TTC23L: variants seen among roughly 807,000 people sequenced by gnomAD.
The protein encoded by TTC23L is tetratricopeptide repeat domain 23 like, also known as tetratricopeptide repeat protein 23-like.
Under a neutral mutation model 48.1 loss-of-function variants are expected in TTC23L, and 42 were observed. The observed-to-expected ratio is 0.87, with a 90% confidence interval of 0.68 to 1.13. The LOEUF (loss-of-function observed/expected upper bound fraction) is 1.13. Among genes scored for constraint, TTC23L ranks in the 50% most tolerant of loss-of-function variants. TTC23L has a pLI of 0.00. For synonymous variants in TTC23L, 159 were observed against 157.2 expected, an observed-to-expected ratio of 1.01 and a Z score of -0.09; for missense variants, 391 against 421.0, an observed-to-expected ratio of 0.93 and a Z score of 0.62.
the TTC23L span, chr5:34,913,488 CA>C: frequency 3.8e-6 from 6 of 1,583,654 alleles, no homozygotes; most frequent in South Asian, 1.1e-5. Flanking sequence ...GGACTTGATC[CA>C]AAAATAGATA....
At chr5:34,880,638 T>A in intron 9 of TTC23L, 1 of 411,578 alleles carries the variant, frequency 2.4e-6, no homozygotes, top group Non-Finnish European at 4.6e-6. Flanking sequence ...GTTCCCTCTC[T>A]GACAAACTTT....
chr5:34,859,794 T>C (rs1240456596), intron 4 of TTC23L, among the ~76,000 whole-genome samples: 1 of 151,774 alleles, frequency 6.6e-6, no homozygotes, highest in East Asian at 1.9e-4. Flanking sequence ...ATTCAATGCA[T>C]AGCTTATACG....
chr5:34,842,429 C>A (rs1758764197), intron 2 of TTC23L, among the ~76,000 whole-genome samples: 1 of 151,890 alleles, frequency 6.6e-6, no homozygotes, highest in Non-Finnish European at 1.5e-5. Flanking sequence ...TGCCACAATC[C>A]CTGGTGGACT....
At position 34,880,085 on chromosome 5, in the gene TTC23L, G is replaced by A. The variant is rs1762120128; in HGVS notation, c.950-96G>A. Reference sequence around the variant, plus strand: ...GAGACCTGGCTTGAGAACAAGCATGGACTTTAAGCATGAAAATGTCAATTG... The same window carrying A: ...GAGACCTGGCTTGAGAACAAGCATGAACTTTAAGCATGAAAATGTCAATTG... On this transcript the variant is annotated intron_variant, in intron 8 of 10. Transcript: ENST00000505624. 37 of 1,439,644 alleles carry A rather than the reference G, an allele frequency of 2.6e-5. 1 individual carries two copies. The South Asian group carries it at 4.9e-4, about 19-fold the overall frequency. 89.2% of individuals were successfully genotyped at this position (1,439,644 alleles called of 1,614,324 possible).
chr5:34,918,310 A>G, the TTC23L span: 252,217 of 930,194 alleles, frequency 0.27, 36,512 homozygotes, highest in East Asian at 0.37. Context: ...GTCACAAAAC[A>G]AGATCAGTTC....
intron 10 of TTC23L, 51 bp downstream of exon 10, chr5:34,896,926 C>A: frequency 3.2e-6 from 2 of 626,238 alleles, no homozygotes; most frequent in Non-Finnish European, 5.9e-6. Context: ...AAAGGGGCTG[C>A]AAGAAATGCT....
intron 1 of TTC23L, chr5:34,839,647 G>C (rs1355058204): frequency 2.0e-6 from 2 of 985,234 alleles, no homozygotes; most frequent in Non-Finnish European, 2.4e-6. Context: ...GGATGCTCTG[G>C]AGCCTGGGTC....
chr5:34,918,378 T>C, the TTC23L span: 1 of 1,518,404 alleles, frequency 6.6e-7, no homozygotes, highest in African/African-American at 1.4e-5. Flanking sequence ...AGTGGAAAAA[T>C]AAGGAACGGA....
intron 8 of TTC23L, among the ~76,000 whole-genome samples, chr5:34,877,526 T>C (rs1431499719): frequency 6.6e-6 from 1 of 151,908 alleles, no homozygotes; most frequent in Non-Finnish European, 1.5e-5. Context: ...TGGGCTCAAG[T>C]GATTCTCCTG....
chr5:34,874,518 C>G (rs1233785532), intron 8 of TTC23L, among the ~76,000 whole-genome samples: 1 of 151,914 alleles, frequency 6.6e-6, no homozygotes, highest in African/African-American at 2.4e-5. Flanking sequence ...AAAAGTGTAA[C>G]TGATATGCTA....
At chr5:34,883,830 A>C (rs761809257) in intron 9 of TTC23L, among the ~76,000 whole-genome samples, 21 of 152,228 alleles carry the variant, frequency 1.4e-4, no homozygotes, top group Non-Finnish European at 2.6e-4. Flanking sequence ...CAAACATTTA[A>C]AGAAGAATTA....
rs148527091 is a variant in TTC23L at position 34,845,963 on chromosome 5, G to A, written c.255+290G>A. 4.8e-3 allele frequency among the ~76,000 whole-genome samples: 723 copies of A among 152,176 alleles called. 2 individuals carry two copies. Among genetic ancestry groups the A allele is most frequent in the African/African-American group, 0.017 (692 of 41,520 alleles). The stretch of plus-strand genomic sequence containing the variant: ...TGTAATCCCAACACCTTGGAAAACC[G>A]AGGCGGGAGGATCTCTTGAGGCCAG... On this transcript the variant is annotated intron_variant, in intron 3 of 10. Transcript: ENST00000505624.
chr5:34,839,810 A>G (rs1304609851), intron 1 of TTC23L, among the ~76,000 whole-genome samples: 1 of 152,216 alleles, frequency 6.6e-6, no homozygotes, highest in Non-Finnish European at 1.5e-5. Flanking sequence ...GAATTTCACA[A>G]ATACTGTATT....
the TTC23L span, chr5:34,918,158 A>AG: frequency 2.8e-6 from 1 of 352,978 alleles, no homozygotes; most frequent in East Asian, 4.6e-5. Flanking sequence ...AAAAAAAAAA[A>AG]AACTAGCTGG....
rs533858085 is a variant in TTC23L, at chr5:34,894,930, TGAA to T, written c.1078-1837_1078-1835del. Among the ~76,000 whole-genome samples, 378 of 152,086 alleles carry T rather than the reference TGAA, an allele frequency of 2.5e-3. 5 individuals are homozygous for T. Among genetic ancestry groups the T allele is most frequent in the African/African-American group, 8.7e-3 (360 of 41,468 alleles). On this transcript the variant is annotated intron_variant, in intron 9 of 10. Transcript: ENST00000505624. ...ATGATGATGATGTTAATGGTGATGA[TGAA>T]GATGACAATGATTGCAGATGGAAAG...
At chr5:34,922,965 C>CAGTA in the TTC23L span, 1 of 1,394,394 alleles carries the variant, frequency 7.2e-7, no homozygotes. Context: ...ACAAGGCAGT[C>CAGTA]TACTGTTAAA....
chr5:34,894,033 G>A (rs897053231), intron 9 of TTC23L, among the ~76,000 whole-genome samples: 10 of 152,102 alleles, frequency 6.6e-5, no homozygotes, highest in Non-Finnish European at 1.5e-4. Context: ...AGTATGGGGA[G>A]CTCAGCCTTC....
the TTC23L span, chr5:34,922,035 G>C: frequency 2.6e-6 from 1 of 379,980 alleles, no homozygotes; most frequent in East Asian, 4.0e-5. Flanking sequence ...GTTTACCTTG[G>C]GTAGAATACC....
At chr5:34,916,018 G>T in the TTC23L span, 1 of 1,213,476 alleles carries the variant, frequency 8.2e-7, no homozygotes, top group Non-Finnish European at 1.1e-6. Context: ...ACGGTAGGTC[G>T]GTTTTAGCAA....
Sources: allele counts gnomAD v4.1 joint callset (sites outside exome capture counted in the v4.1 genomes callset), GRCh38; gene constraint gnomAD v4.1.1; transcripts MANE v1.5; gene names NCBI Gene and HGNC (gene_info 2026-07-23, HGNC 2026-07-21).